The following MAGI1 variants were observed in gnomAD, a reference collection of about 807,000 sequenced individuals.
MAGI1 encodes the protein membrane-associated guanylate kinase, WW and PDZ domain-containing protein 1.
Under a neutral mutation model 139.9 loss-of-function variants are expected in MAGI1, and 58 were observed. The ratio of observed to expected loss-of-function variants is 0.41; its 90% CI spans 0.34 to 0.52. MAGI1 has a LOEUF of 0.52. MAGI1 is among the 20% of genes least tolerant of loss of function. MAGI1 has a pLI of 0.12. For synonymous variants in MAGI1, 812 were observed against 737.9 expected (o/e 1.10, Z -1.63); for missense variants, 1,874 against 1,901.6 (o/e 0.99, Z 0.27).
At chr3:65,798,589 C>T (rs1369774536) in intron 1 of MAGI1, among the ~76,000 whole-genome samples, 3 of 151,994 alleles carry the variant, frequency 2.0e-5, no homozygotes, top group African/African-American at 7.3e-5. Context: ...CCTTAAACTT[C>T]GCAGATTCAT....
At chr3:65,632,732 T>C (rs1187603665) in intron 1 of MAGI1, among the ~76,000 whole-genome samples, 3 of 152,226 alleles carry the variant, frequency 2.0e-5, no homozygotes, top group African/African-American at 4.8e-5. Context: ...GTACATGAAG[T>C]TGTTTTTCAG....
rs1430067676 is a variant in MAGI1 at position 65,446,675 on chromosome 3, T to C, written c.1078+1347A>G. Among the ~76,000 whole-genome samples the C allele has an allele frequency of 3.3e-5, 5 of 152,232 alleles. No homozygotes were observed. In the East Asian group the frequency reaches 9.6e-4, roughly 29 times the overall value. ...ATGATTAAGACACTCATTTTGTGTC[T>C]GGAAAACCTATTTCTGTCTCTTTCA... On this transcript the variant is annotated intron_variant, in intron 7 of 22. Coordinates refer to ENST00000402939, the MANE Select transcript of MAGI1 (RefSeq NM_001033057.2).
intron 12 of MAGI1, among the ~76,000 whole-genome samples, chr3:65,417,764 G>T (rs1026025698): frequency 6.6e-6 from 1 of 152,122 alleles, no homozygotes; most frequent in Non-Finnish European, 1.5e-5. Context: ...GAAACAGCAG[G>T]CCAGGGGGAA....
At chr3:65,832,955 T>C (rs909023279) in intron 1 of MAGI1, among the ~76,000 whole-genome samples, 1 of 152,216 alleles carries the variant, frequency 6.6e-6, no homozygotes, top group African/African-American at 2.4e-5. Context: ...TCTTACTACA[T>C]TTCACTAAAA....
At chr3:65,737,545 G>T (rs1036518529) in intron 1 of MAGI1, among the ~76,000 whole-genome samples, 1 of 152,200 alleles carries the variant, frequency 6.6e-6, no homozygotes, top group African/African-American at 2.4e-5. Flanking sequence ...ATGTAACATT[G>T]TTCCAATACA....
At chr3:65,431,606 C>A (rs1395739973) in intron 10 of MAGI1, among the ~76,000 whole-genome samples, 1 of 151,370 alleles carries the variant, frequency 6.6e-6, no homozygotes, top group Non-Finnish European at 1.5e-5. Flanking sequence ...ACAAAGAAAC[C>A]CCCCCCACAA....
In MAGI1 at chr3:65,796,298, T is replaced by C. The variant is rs1434810157; in HGVS notation, c.314-174210A>G. ...CAACTGATTTGATTGATGAGGCCAA[T>C]CCCCATTGGAAAGGGTAATCTGCTT... On this transcript the variant is annotated intron_variant, in intron 1 of 22. Transcript: ENST00000402939. Among the ~76,000 whole-genome samples the C allele has an allele frequency of 2.0e-5, 3 of 152,168 alleles. No individual in the cohort carries two copies. In the East Asian group the frequency reaches 5.8e-4, roughly 29 times the overall value.
chr3:65,694,722 CCT>C (rs2088995849), intron 1 of MAGI1, among the ~76,000 whole-genome samples: 2 of 152,130 alleles, frequency 1.3e-5, no homozygotes, highest in African/African-American at 4.8e-5. Flanking sequence ...GTGACTAACC[CCT>C]GAGCTGCACT....
chr3:65,377,036 G>A (rs761416117), intron 17 of MAGI1, among the ~76,000 whole-genome samples: 15 of 152,294 alleles, frequency 9.8e-5, no homozygotes, highest in Non-Finnish European at 2.1e-4. Flanking sequence ...GACTATGAAG[G>A]TAGTTATGCA....
chr3:65,539,456 C>T (rs1302297593), intron 2 of MAGI1, among the ~76,000 whole-genome samples: 1 of 152,254 alleles, frequency 6.6e-6, no homozygotes, highest in Non-Finnish European at 1.5e-5. Context: ...GAGAAAACCT[C>T]TTCTGCACAA....
chr3:65,812,061 T>C (rs1431318101), intron 1 of MAGI1, among the ~76,000 whole-genome samples: 4 of 152,144 alleles, frequency 2.6e-5, no homozygotes, highest in Non-Finnish European at 5.9e-5. Flanking sequence ...TCATGATCTC[T>C]GCATTAAGCC....
chr3:66,018,144 T>C, intron 1 of MAGI1, among the ~76,000 whole-genome samples: 1 of 143,414 alleles, frequency 7.0e-6, no homozygotes, highest in Non-Finnish European at 1.5e-5. Context: ...CATGCCCATT[T>C]AATGTTGTTT....
chr3:66,023,143 C>T (rs533945865), intron 1 of MAGI1, among the ~76,000 whole-genome samples: 23 of 152,306 alleles, frequency 1.5e-4, no homozygotes, highest in African/African-American at 5.1e-4. Flanking sequence ...TCCTAAGTTG[C>T]ATCTCACATC....
At chr3:65,993,714 T>C (rs1349274962) in intron 1 of MAGI1, among the ~76,000 whole-genome samples, 1 of 152,218 alleles carries the variant, frequency 6.6e-6, no homozygotes, top group Non-Finnish European at 1.5e-5. Context: ...TACATCATTT[T>C]CAGACTCTGT....
chr3:65,860,233 C>A (rs1400894083), intron 1 of MAGI1, among the ~76,000 whole-genome samples: 2 of 152,096 alleles, frequency 1.3e-5, no homozygotes, highest in East Asian at 3.9e-4. Context: ...TTTCCCCATT[C>A]CCACCTAACA....
At chr3:65,734,122 C>CA (rs1216711830) in intron 1 of MAGI1, among the ~76,000 whole-genome samples, 2 of 152,160 alleles carry the variant, frequency 1.3e-5, no homozygotes, top group African/African-American at 4.8e-5. Context: ...ACAGATATAG[C>CA]AGATGAGGAT....
chr3:65,622,052 T>G lies in MAGI1; in HGVS notation c.350A>C (p.Asn117Thr). The G allele has an allele frequency of 6.2e-7, 1 of 1,614,034 alleles. No homozygotes were observed. Among genetic ancestry groups the G allele is most frequent in the Non-Finnish European group, 8.5e-7 (1 of 1,179,980 alleles). ...RLNKDLRHFL[N>T]QRFQKGSPDH... is the part of the protein sequence containing the mutation. ...AGGAGACCCCTTCTGGAATCGCTGA[T>G]TGAGAAAATGTCGCAGGTCCTTGTT... is the stretch of plus-strand genomic sequence containing the variant. The change falls in exon 2 of 23, where the codon AAT (asparagine) becomes ACT (threonine). Residue 117 changes from asparagine (N) to threonine (T), a missense_variant. By Grantham distance (65) the Asn-to-Thr change is moderately conservative (BLOSUM62 0). Around this residue, in one of 5 missense-constraint regions of MAGI1, gnomAD observed 648 missense variants for 598.1 expected, o/e 1.08. Coordinates refer to ENST00000402939, the MANE Select transcript of MAGI1 (RefSeq NM_001033057.2).
rs545476923 is a variant in MAGI1, at chr3:65,509,987, TCCCTGAC to T, written c.431-16363_431-16357del. On this transcript the variant is annotated intron_variant, in intron 2 of 22. Coordinates refer to ENST00000402939, the MANE Select transcript of MAGI1 (RefSeq NM_001033057.2). ...CCGGCAGACTGCCTCCTCAAGTGGG[TCCCTGAC>T]CCCTGACCCCCGAGCACCCTAACTG... is the stretch of plus-strand genomic sequence containing the variant. Among the ~76,000 whole-genome samples the T allele has an allele frequency of 3.9e-3, 599 of 152,092 alleles. 5 individuals carry two copies. Among genetic ancestry groups the T allele is most frequent in the Non-Finnish European group, 4.0e-3 (273 of 67,996 alleles).
chr3:65,587,425 T>A (rs923408630), intron 2 of MAGI1, among the ~76,000 whole-genome samples: 4 of 151,876 alleles, frequency 2.6e-5, no homozygotes, highest in Non-Finnish European at 5.9e-5. Context: ...AAGTATGGTG[T>A]CTACTGAATA....
Sources: allele counts gnomAD v4.1 joint callset (sites outside exome capture counted in the v4.1 genomes callset), GRCh38; gene constraint gnomAD v4.1.1; regional missense constraint gnomAD v4.1.1; transcripts MANE v1.5; gene names NCBI Gene and HGNC (gene_info 2026-07-23, HGNC 2026-07-21).